TRIM60: variants seen among roughly 807,000 people sequenced by gnomAD.
The protein encoded by TRIM60 is tripartite motif-containing protein 60.
For synonymous variants in TRIM60, 189 were observed against 195.2 expected (o/e 0.97, Z 0.27); for missense variants, 524 against 540.8 (o/e 0.97, Z 0.31).
chr4:165,032,847 A>C (rs10009883), intron 1 of TRIM60, among the ~76,000 whole-genome samples: 30,927 of 152,050 alleles, frequency 0.2, 3,343 homozygotes, highest in Admixed American at 0.31. Context: ...AATCTCCCAC[A>C]GGTTTGATTT....
chr4:165,041,543 T>C lies in TRIM60; in HGVS notation c.*55T>C. On this transcript the variant is annotated 3_prime_UTR_variant, in exon 3 of 3. Transcript: ENST00000512596. ...TTGTAGGTAACTTAGCCAGTAAATT[T>C]AATCTCATTTCTGGACTCTTTAAGT... is the stretch of plus-strand genomic sequence containing the variant. 1 of 1,273,380 alleles carries C rather than the reference T, an allele frequency of 7.9e-7. No homozygotes were observed. The highest frequency in any genetic ancestry group is 1.5e-5 in the African/African-American group (1 of 67,020). 78.9% of individuals were successfully genotyped at this position (1,273,380 alleles called of 1,614,324 possible).
At position 165,040,370 on chromosome 4, in the gene TRIM60, CACA is replaced by C; in HGVS notation, c.301_303del (p.Asn101del). The C allele has an allele frequency of 6.2e-7, 1 of 1,614,208 alleles. No individual in the cohort carries two copies. The highest frequency in any genetic ancestry group is 8.5e-7 in the Non-Finnish European group (1 of 1,180,030). ...GAAAGAGAATGCCATGTGTGAAAAA[CACA>C]ACCAGTTTCTGACCCTCTTCTGTGT... On this transcript the variant is annotated inframe_deletion, in exon 3 of 3. Transcript: ENST00000512596.
At chr4:165,039,471 A>G (rs1415449546) in intron 2 of TRIM60, 1 of 152,556 alleles carries the variant, frequency 6.6e-6, no homozygotes, top group Non-Finnish European at 1.5e-5. Flanking sequence ...ACCTGTGGCT[A>G]GTTTATTGAA....
intron 1 of TRIM60, among the ~76,000 whole-genome samples, chr4:165,036,590 C>T (rs564746420): frequency 7.0e-4 from 106 of 152,176 alleles, no homozygotes; most frequent in Non-Finnish European, 1.3e-3. Flanking sequence ...GTGCTTAGGC[C>T]GGGCGTGGTG....
At chr4:165,033,920 T>C (rs970847161) in intron 1 of TRIM60, among the ~76,000 whole-genome samples, 1 of 152,196 alleles carries the variant, frequency 6.6e-6, no homozygotes, top group South Asian at 2.1e-4. Context: ...AACTCTCCCA[T>C]AGATGCTGGG....
chr4:165,041,409 A>C lies in TRIM60; in HGVS notation c.1337A>C (p.Glu446Ala). Residue 446 changes from glutamate (E) to alanine (A), a missense_variant, in exon 3 of 3, where the codon GAA (glutamate) becomes GCA (alanine). Coordinates refer to ENST00000512596, the MANE Select transcript of TRIM60 (RefSeq NM_152620.3). ...TATACTTTTAACGATTGTTTCACAG[A>C]AGCCGTTTGGCCTTATTTCTATACT... is the stretch of plus-strand genomic sequence containing the variant. ...ILYTFNDCFT[E>A]AVWPYFYTGT... is the part of the protein sequence containing the mutation. The C allele has an allele frequency of 6.2e-7, 1 of 1,612,848 alleles. No individual in the cohort carries two copies. The highest frequency in any genetic ancestry group is 8.5e-7 in the Non-Finnish European group (1 of 1,179,238).
At position 165,040,896 on chromosome 4, in the gene TRIM60, A is replaced by G; in HGVS notation, c.824A>G (p.Tyr275Cys). 2 of 1,612,792 alleles carry G rather than the reference A, an allele frequency of 1.2e-6. No homozygotes were observed. Among genetic ancestry groups the G allele is most frequent in the Non-Finnish European group, 8.5e-7 (1 of 1,179,232 alleles). Residue 275 changes from tyrosine to cysteine, a missense_variant, in exon 3 of 3, where the codon TAT becomes TGT. Tyr to Cys is a radical substitution (Grantham distance 194, BLOSUM62 -2). Coordinates refer to ENST00000512596, the MANE Select transcript of TRIM60 (RefSeq NM_152620.3). ...PELFSFRLTKYGFSLPPQYSG... is the reference protein window; with the variant it reads ...PELFSFRLTKCGFSLPPQYSG... ...CTCTTTTCATTTAGATTAACAAAAT[A>G]TGGTTTCAGTCTTCCTCCTCAATAT...
chr4:165,038,523 A>C (rs939618710), intron 1 of TRIM60, among the ~76,000 whole-genome samples: 4 of 151,320 alleles, frequency 2.6e-5, no homozygotes, highest in Non-Finnish European at 4.4e-5. Flanking sequence ...TATTTTAAAA[A>C]TTAGCTGGGC....
chr4:165,040,478 G>C lies in TRIM60; in HGVS notation c.406G>C (p.Ala136Pro). The change falls in exon 3 of 3, where the codon GCT becomes CCT. Residue 136 changes from alanine (A) to proline (P), a missense_variant. By Grantham distance (27) the Ala-to-Pro change is conservative. Coordinates refer to ENST00000512596, the MANE Select transcript of TRIM60 (RefSeq NM_152620.3). ...GCACTACATTTGCCCTATTAAGAAA[G>C]CTGCCTCTTATCACAGAGAAATTCT... ...QKHYICPIKKAASYHREILEG... is the reference protein window; with the variant it reads ...QKHYICPIKKPASYHREILEG... The C allele has an allele frequency of 6.2e-7, 1 of 1,614,166 alleles. No homozygotes were observed. The highest frequency in any genetic ancestry group is 8.5e-7 in the Non-Finnish European group (1 of 1,180,036).
At position 165,040,551 on chromosome 4, in the gene TRIM60, A is replaced by G. The variant is rs1733733428; in HGVS notation, c.479A>G (p.Lys160Arg). ...AGGAATAATATAGAACGAGTTGAAA[A>G]AGTGATAATTCTGCAAGGCAGCAAA... Reference protein sequence around the residue: ...PLRNNIERVEKVIILQGSKSV... With the variant: ...PLRNNIERVERVIILQGSKSV... Residue 160 changes from lysine to arginine, a missense_variant, in exon 3 of 3, where the codon AAA becomes AGA. By Grantham distance (26) the Lys-to-Arg change is conservative. Coordinates refer to ENST00000512596, the MANE Select transcript of TRIM60 (RefSeq NM_152620.3). The G allele has an allele frequency of 6.2e-7, 1 of 1,614,154 alleles. No individual in the cohort carries two copies. Among genetic ancestry groups the G allele is most frequent in the Non-Finnish European group, 8.5e-7 (1 of 1,180,038 alleles).
At chr4:165,032,663 G>A (rs1401539142) in intron 1 of TRIM60, among the ~76,000 whole-genome samples, 1 of 152,154 alleles carries the variant, frequency 6.6e-6, no homozygotes, top group Non-Finnish European at 1.5e-5. Flanking sequence ...ATTATGGTGG[G>A]AGCGTTAAGG....
intron 1 of TRIM60, among the ~76,000 whole-genome samples, chr4:165,032,876 C>T (rs1733537320): frequency 1.3e-5 from 2 of 152,142 alleles, no homozygotes; most frequent in Admixed American, 1.3e-4. Flanking sequence ...TGAGCCCACA[C>T]TATGAACCAG....
chr4:165,041,482 A>G lies in TRIM60; in HGVS notation c.1410A>G (p.Glu470=). 1.9e-6 allele frequency: 3 copies of G among 1,539,242 alleles called. No individual in the cohort carries two copies. Among genetic ancestry groups the G allele is most frequent in the Non-Finnish European group, 2.6e-6 (3 of 1,145,386 alleles). Residue 470 remains glutamate (E), a synonymous_variant, in exon 3 of 3, where the codon GAA becomes GAG. Transcript: ENST00000512596. The stretch of plus-strand genomic sequence containing the variant: ...AAATCTGCTCAGTATCAGATTCTGA[A>G]AGATAAGGAACTGGTAAATGGGTCT... ...PLKICSVSDS[E]R is the part of the protein sequence containing the mutation.
Position 165,041,143 on chromosome 4 carries a change from A to C in TRIM60, c.1071A>C (p.Gly357=). ...SGRHYWEVEV[G]NKPKWILGVC... ...GACATTACTGGGAAGTAGAAGTGGG[A>C]AACAAACCTAAATGGATATTGGGTG... Residue 357 remains glycine (G), a synonymous_variant, in exon 3 of 3, where the codon GGA becomes GGC. Coordinates refer to ENST00000512596, the MANE Select transcript of TRIM60 (RefSeq NM_152620.3). 1 of 1,614,212 alleles carries C rather than the reference A, an allele frequency of 6.2e-7. No individual in the cohort carries two copies. Among genetic ancestry groups the C allele is most frequent in the Non-Finnish European group, 8.5e-7 (1 of 1,180,044 alleles).
chr4:165,040,604 T>C lies in TRIM60; in HGVS notation c.532T>C (p.Tyr178His). ...AGTGGAGCTGAAAAAGAAGGTAGAATATAAGAGGGAAGAAATAAATTCTGA... is the reference window on the plus strand; with the variant it reads ...AGTGGAGCTGAAAAAGAAGGTAGAACATAAGAGGGAAGAAATAAATTCTGA... ...KSVELKKKVE[Y>H]KREEINSEFE... The change falls in exon 3 of 3, where the codon TAT (tyrosine) becomes CAT (histidine). Residue 178 changes from tyrosine to histidine, a missense_variant. Tyr to His is a moderately conservative substitution (Grantham distance 83). Transcript: ENST00000512596. 1 of 1,614,118 alleles carries C rather than the reference T, an allele frequency of 6.2e-7. No individual in the cohort carries two copies. Among genetic ancestry groups the C allele is most frequent in the Non-Finnish European group, 8.5e-7 (1 of 1,180,018 alleles).
At position 165,040,997 on chromosome 4, in the gene TRIM60, C is replaced by G; in HGVS notation, c.925C>G (p.Leu309Val). 6.2e-7 allele frequency: 1 copy of G among 1,614,066 alleles called. No individual in the cohort carries two copies. The highest frequency in any genetic ancestry group is 8.5e-7 in the Non-Finnish European group (1 of 1,179,938). Reference protein sequence around the residue: ...LDLNTAHPQLLVSEDRKAVRY... With the variant: ...LDLNTAHPQLVVSEDRKAVRY... ...TCTCAACACAGCACATCCTCAACTT[C>G]TTGTCTCTGAGGATAGAAAAGCTGT... Residue 309 changes from leucine (L) to valine (V), a missense_variant, in exon 3 of 3, where the codon CTT becomes GTT. Transcript: ENST00000512596.
In TRIM60 at chr4:165,032,508, C is replaced by T. The variant is rs931733227; in HGVS notation, c.-57+396C>T. ...AGGTGGTCCGCCCGCCTCGGCCTTCCAAAGTGCTGGGGTTACAGGCGTGAG... is the reference window on the plus strand; with the variant it reads ...AGGTGGTCCGCCCGCCTCGGCCTTCTAAAGTGCTGGGGTTACAGGCGTGAG... On this transcript the variant is annotated intron_variant, in intron 1 of 2. Coordinates refer to ENST00000512596, the MANE Select transcript of TRIM60 (RefSeq NM_152620.3). Among the ~76,000 whole-genome samples, 8 of 152,196 alleles carry T rather than the reference C, an allele frequency of 5.3e-5. 1 individual carries two copies. Among genetic ancestry groups the T allele is most frequent in the African/African-American group, 1.9e-4 (8 of 41,454 alleles).
chr4:165,033,605 G>A (rs1463876644), intron 1 of TRIM60, among the ~76,000 whole-genome samples: 1 of 152,180 alleles, frequency 6.6e-6, no homozygotes, highest in Non-Finnish European at 1.5e-5. Context: ...GGAAACTATA[G>A]AGTTATGGAA....
rs150759802 is a variant in TRIM60, at chr4:165,041,159, A to T, written c.1087A>T (p.Ile363Leu). 1.2e-4 allele frequency: 189 copies of T among 1,614,140 alleles called. 2 individuals are homozygous for T. In the African/African-American group the frequency reaches 2.3e-3, roughly 20 times the overall value. Residue 363 changes from isoleucine to leucine, a missense_variant, in exon 3 of 3, where the codon ATA (isoleucine) becomes TTA (leucine). Ile to Leu is a conservative substitution (Grantham distance 5). Coordinates refer to ENST00000512596, the MANE Select transcript of TRIM60 (RefSeq NM_152620.3). ...AGAAGTGGGAAACAAACCTAAATGG[A>T]TATTGGGTGTGTGTCAAGACTGTCT... Reference protein sequence around the residue: ...EVEVGNKPKWILGVCQDCLLR... With the variant: ...EVEVGNKPKWLLGVCQDCLLR...
Sources: gnomAD v4.1 joint callset for allele counts (sites outside exome capture counted in the v4.1 genomes callset) on GRCh38, gnomAD v4.1.1 for gene constraint, MANE v1.5 for transcripts, NCBI Gene and HGNC (gene_info 2026-07-23, HGNC 2026-07-21) for gene names.